CSTF2: variants seen among roughly 807,000 people sequenced by gnomAD.
CSTF2 encodes CF-1 64 kDa subunit.
A neutral mutation model predicts 45.4 loss-of-function variants in CSTF2; 8 were observed. The observed-to-expected ratio is 0.18, with a 90% confidence interval of 0.10 to 0.32. CSTF2 has a LOEUF of 0.32. CSTF2 is among the 10% of genes least tolerant of loss of function. The pLI, the probability that CSTF2 is intolerant of heterozygous loss-of-function variation, is 1.00. For synonymous variants in CSTF2, 155 were observed against 158.9 expected (o/e 0.98, Z 0.18); for missense variants, 253 against 477.1 (o/e 0.53, Z 4.38).
chrX:100,832,551 A>G (rs973002832), intron 9 of CSTF2, among the ~76,000 whole-genome samples, 183 bp from the exon 10 acceptor site: 1 of 112,248 alleles, frequency 8.9e-6, no homozygotes, highest in African/African-American at 3.2e-5. Flanking sequence ...GAACCAAATA[A>G]CGAAATTCTA....
chrX:100,837,154 A>G (rs1318737404), intron 11 of CSTF2, among the ~76,000 whole-genome samples, 185 bp from the exon 12 acceptor site: 1 of 112,462 alleles, frequency 8.9e-6, no homozygotes, highest in African/African-American at 3.2e-5. Context: ...CGAACTTGCT[A>G]GTTGATCTCT....
At chrX:100,826,518 G>T in intron 6 of CSTF2, 116 bp from the exon 7 acceptor site, 1 of 645,921 alleles carries the variant, frequency 1.5e-6, no homozygotes, top group African/African-American at 2.2e-5. Context: ...ATACAAAAAG[G>T]ATGTTTAGTA....
intron 9 of CSTF2, among the ~76,000 whole-genome samples, 181 bp from the exon 10 acceptor site, chrX:100,832,553 G>A (rs1461279124): frequency 8.9e-6 from 1 of 111,974 alleles, no homozygotes; most frequent in Non-Finnish European, 1.9e-5. Flanking sequence ...ACCAAATAAC[G>A]AAATTCTAGA....
chrX:100,822,057 C>T (rs1478252698), intron 2 of CSTF2, among the ~76,000 whole-genome samples, 194 bp from the exon 3 acceptor site: 1 of 107,591 alleles, frequency 9.3e-6, no homozygotes, highest in Non-Finnish European at 1.9e-5. Flanking sequence ...CATGCCACTG[C>T]ACTCCAGCCT....
chrX:100,840,105 T>A (rs5967201), intron 13 of CSTF2, among the ~76,000 whole-genome samples: 1 of 111,894 alleles, frequency 8.9e-6, no homozygotes, highest in African/African-American at 3.2e-5. Flanking sequence ...TTCACCATTT[T>A]AAAAAAACTA....
intron 13 of CSTF2, among the ~76,000 whole-genome samples, chrX:100,840,338 T>G (rs898150114): frequency 9.8e-5 from 11 of 111,977 alleles, no homozygotes; most frequent in African/African-American, 2.3e-4. Flanking sequence ...GCCCCCTAGG[T>G]GACATTGTCT....
intron 7 of CSTF2, 74 bp from the exon 8 acceptor site, chrX:100,827,966 C>T: frequency 1.1e-6 from 1 of 889,844 alleles, no homozygotes; most frequent in Non-Finnish European, 1.6e-6. Context: ...AATTTGTAAA[C>T]TCAGCCACTG....
intron 3 of CSTF2, 114 bp from the exon 4 acceptor site, chrX:100,823,178 G>A: frequency 1.2e-6 from 1 of 847,382 alleles, no homozygotes; most frequent in Admixed American, 3.3e-5. Flanking sequence ...TCTCAGCTCT[G>A]GAGAATCTAA....
At chrX:100,833,957 T>G (rs1219025294) in intron 11 of CSTF2, among the ~76,000 whole-genome samples, 1 of 112,031 alleles carries the variant, frequency 8.9e-6, no homozygotes, top group Non-Finnish European at 1.9e-5. Flanking sequence ...TTAGATAATC[T>G]TAGGTTTAGA....
At chrX:100,820,519 T>G in intron 1 of CSTF2, 45 bp downstream of exon 1, 2 of 1,115,555 alleles carry the variant, frequency 1.8e-6, no homozygotes, top group Non-Finnish European at 2.5e-6. Context: ...GGGACTCCCC[T>G]CTGCACCTTC....
intron 13 of CSTF2, among the ~76,000 whole-genome samples, chrX:100,838,759 A>G (rs2085023969): frequency 8.9e-6 from 1 of 112,144 alleles, no homozygotes; most frequent in African/African-American, 3.2e-5. Flanking sequence ...GTCAAAATGG[A>G]AAAATACAAA....
At position 100,822,337 on chromosome X, in the gene CSTF2, G is replaced by A; in HGVS notation, c.224G>A (p.Arg75Gln). Reference protein sequence around the residue: ...QDQETALSAMRNLNGREFSGR... With the variant: ...QDQETALSAMQNLNGREFSGR... The stretch of plus-strand genomic sequence containing the variant: ...CAAGAGACAGCACTTAGTGCCATGC[G>A]GAACCTGAATGGGCGCGAATTCAGT... The change falls in exon 3 of 14, where the codon CGG becomes CAG. Residue 75 changes from arginine to glutamine, a missense_variant. Arg to Gln is a conservative substitution (Grantham distance 43). This residue lies in a region of CSTF2 where 45 missense variants were observed against 147.5 expected (regional missense o/e 0.31). Transcript: ENST00000372972. The A allele has an allele frequency of 1.7e-6, 2 of 1,210,487 alleles. No individual in the cohort carries two copies. Among genetic ancestry groups the A allele is most frequent in the Non-Finnish European group, 2.2e-6 (2 of 894,485 alleles).
chrX:100,830,739 T>A (rs1401905930), intron 8 of CSTF2: 3 of 806,264 alleles, frequency 3.7e-6, no homozygotes, highest in Non-Finnish European at 5.4e-6. Context: ...TGTGTGTGTG[T>A]TTCTGCGTGT....
At chrX:100,821,249 T>C (rs1387618593) in intron 1 of CSTF2, among the ~76,000 whole-genome samples, 2 of 112,540 alleles carry the variant, frequency 1.8e-5, no homozygotes, top group Admixed American at 1.9e-4. Context: ...TGCAGATCTT[T>C]AGGTAAATAC....
chrX:100,829,560 A>G (rs1203635773), intron 8 of CSTF2, among the ~76,000 whole-genome samples: 6 of 111,719 alleles, frequency 5.4e-5, no homozygotes, highest in African/African-American at 1.3e-4. Context: ...ACATTAATAT[A>G]CAAGCCTGTG....
At chrX:100,824,851 G>A (rs1225734440) in intron 6 of CSTF2, among the ~76,000 whole-genome samples, 6 of 112,413 alleles carry the variant, frequency 5.3e-5, no homozygotes, top group East Asian at 2.8e-4. Context: ...CTAAATGTAC[G>A]TCAGTGGAAG....
chrX:100,828,197 T>G, intron 8 of CSTF2, 95 bp downstream of exon 8: 1 of 585,215 alleles, frequency 1.7e-6, no homozygotes, highest in Non-Finnish European at 2.6e-6. Context: ...CACCCATGGC[T>G]ATTTCAATAT....
rs749502258 is a variant in CSTF2, at chrX:100,833,170, T to G, written c.1208-10T>G. 2 of 1,204,083 alleles carry G rather than the reference T, an allele frequency of 1.7e-6. No homozygotes were observed. Among genetic ancestry groups the G allele is most frequent in the South Asian group, 1.8e-5 (1 of 55,921 alleles). On this transcript the variant is annotated splice_polypyrimidine_tract_variant and intron_variant, in intron 10 of 13. Coordinates refer to ENST00000372972, the MANE Select transcript of CSTF2 (RefSeq NM_001325.3). The stretch of plus-strand genomic sequence containing the variant: ...GCTACATAATGGTTTTGTTACATTT[T>G]TCTTTATAGGTGGAAGGGATCCCCG...
Position 100,820,404 on chromosome X carries a change from A to T in CSTF2, c.-13A>T. 1 of 1,211,048 alleles carries T rather than the reference A, an allele frequency of 8.3e-7. No individual in the cohort carries two copies. Among genetic ancestry groups the T allele is most frequent in the African/African-American group, 1.7e-5 (1 of 57,866 alleles). ...GTGTGCTTTGGCGCACCGGAAGCCGACTCAACAGAGCTATGGCGGGTTTGA... is the reference window on the plus strand; with the variant it reads ...GTGTGCTTTGGCGCACCGGAAGCCGTCTCAACAGAGCTATGGCGGGTTTGA... On this transcript the variant is annotated 5_prime_UTR_variant, in exon 1 of 14. Coordinates refer to ENST00000372972, the MANE Select transcript of CSTF2 (RefSeq NM_001325.3).
Sources: gnomAD v4.1 joint callset for allele counts (sites outside exome capture counted in the v4.1 genomes callset) on GRCh38, gnomAD v4.1.1 for gene constraint, gnomAD v4.1.1 regional missense constraint, MANE v1.5 for transcripts, NCBI Gene and HGNC (gene_info 2026-07-23, HGNC 2026-07-21) for gene names.